The following KLF8 variants were observed in gnomAD, a reference collection of about 807,000 sequenced individuals.
KLF8 encodes the protein KLF transcription factor 8, also known as Krueppel-like factor 8.
In KLF8, 10 loss-of-function variants were observed where a neutral mutation model predicts 18.2. That is an observed-to-expected ratio of 0.55 (90% CI 0.34 to 0.93). KLF8 has a LOEUF of 0.93. Among genes scored for constraint, KLF8 ranks in the 40% least tolerant of loss-of-function variants. The probability of loss-of-function intolerance (pLI) is 0.02; values close to 1 mark genes in which losing one functional copy is unlikely to be tolerated. For synonymous variants in KLF8, 109 were observed against 97.3 expected (o/e 1.12, Z -0.71); for missense variants, 264 against 277.9 (o/e 0.95, Z 0.36).
At chrX:56,025,256 A>G in the KLF8 span, among the ~76,000 whole-genome samples, 1 of 112,386 alleles carries the variant, frequency 8.9e-6, no homozygotes, top group East Asian at 2.8e-4. Flanking sequence ...GGCTCTAGAG[A>G]GCGTTTTCGA....
the KLF8 span, among the ~76,000 whole-genome samples, chrX:56,195,606 T>C: frequency 8.9e-6 from 1 of 112,250 alleles, no homozygotes; most frequent in African/African-American, 3.2e-5. Flanking sequence ...CTGTGTTTGA[T>C]TGGTGTACCT....
chrX:56,288,208 C>T lies in KLF8; in HGVS notation c.*3714C>T, dbSNP rs1050689255. Among the ~76,000 whole-genome samples the T allele has an allele frequency of 1.7e-4, 19 of 110,130 alleles. No homozygotes were observed. The highest frequency in any genetic ancestry group is 6.0e-4 in the African/African-American group (18 of 30,148). ...GAGCTGAGATCATGCCACTTCACTC[C>T]AGCCTGGGTGACAGAGCGACACACT... On this transcript the variant is annotated 3_prime_UTR_variant, in exon 6 of 6. Transcript: ENST00000468660.
chrX:56,272,228 TG>T (rs1216904408), intron 5 of KLF8, among the ~76,000 whole-genome samples: 87 of 110,765 alleles, frequency 7.9e-4, no homozygotes, highest in African/African-American at 2.5e-3. Flanking sequence ...TTTTTTTTTT[TG>T]AGACAGTTTT....
chrX:56,178,056 G>A, the KLF8 span, among the ~76,000 whole-genome samples: 1 of 112,054 alleles, frequency 8.9e-6, no homozygotes, highest in Non-Finnish European at 1.9e-5. Context: ...TCCCAGATGA[G>A]GTGATGCCTC....
chrX:55,964,086 AC>A, the KLF8 span, among the ~76,000 whole-genome samples: 1 of 111,763 alleles, frequency 8.9e-6, no homozygotes, highest in Non-Finnish European at 1.9e-5. Context: ...AACCAGGGAT[AC>A]AACATACCAT....
At chrX:56,209,508 A>G in the KLF8 span, among the ~76,000 whole-genome samples, 4 of 111,458 alleles carry the variant, frequency 3.6e-5, no homozygotes, top group Non-Finnish European at 7.5e-5. Context: ...GAGTGCCTGT[A>G]ATCCCAGCTC....
chrX:56,124,109 A>G, the KLF8 span, among the ~76,000 whole-genome samples: 4 of 111,791 alleles, frequency 3.6e-5, no homozygotes, highest in Non-Finnish European at 3.8e-5. Flanking sequence ...GATTAATGGT[A>G]ACTCAGAAAT....
chrX:56,291,108 T>G lies in KLF8; in HGVS notation c.*6614T>G, dbSNP rs1602486974. 8.9e-6 allele frequency among the ~76,000 whole-genome samples: 1 copy of G among 111,738 alleles called. No homozygotes were observed. Among genetic ancestry groups the G allele is most frequent in the East Asian group, 2.8e-4 (1 of 3,556 alleles). The stretch of plus-strand genomic sequence containing the variant: ...CAGTGCCAGAAACTGGTTCTCTTTT[T>G]TGTGTTGGGGAAAGGAGCCTGCAGT... On this transcript the variant is annotated 3_prime_UTR_variant, in exon 6 of 6. Coordinates refer to ENST00000468660, the MANE Select transcript of KLF8 (RefSeq NM_007250.5).
chrX:56,188,990 C>T, the KLF8 span, among the ~76,000 whole-genome samples: 5 of 111,680 alleles, frequency 4.5e-5, no homozygotes, highest in Admixed American at 2.9e-4. Flanking sequence ...ACACCAAAAG[C>T]AATGGCAACA....
the KLF8 span, among the ~76,000 whole-genome samples, chrX:55,982,536 T>C: frequency 3.6e-5 from 4 of 112,039 alleles, no homozygotes; most frequent in African/African-American, 1.3e-4. Flanking sequence ...TTACTCTACA[T>C]TGGCTGTCAG....
chrX:56,064,319 T>C, the KLF8 span, among the ~76,000 whole-genome samples: 1 of 109,651 alleles, frequency 9.1e-6, no homozygotes, highest in Non-Finnish European at 1.9e-5. Context: ...TAAAGTCTGT[T>C]ATTTAAGTAC....
At chrX:56,072,429 A>G in the KLF8 span, among the ~76,000 whole-genome samples, 1 of 111,785 alleles carries the variant, frequency 8.9e-6, no homozygotes, top group Non-Finnish European at 1.9e-5. Flanking sequence ...AATAGTCTAT[A>G]TTTGCAGTCT....
At chrX:56,142,293 A>G in the KLF8 span, among the ~76,000 whole-genome samples, 30 of 111,642 alleles carry the variant, frequency 2.7e-4, no homozygotes, top group East Asian at 2.8e-4. Context: ...ACTCAAAATT[A>G]TATGTAGCAA....
At chrX:56,208,365 A>T in the KLF8 span, among the ~76,000 whole-genome samples, 1 of 111,036 alleles carries the variant, frequency 9.0e-6, no homozygotes, top group African/African-American at 3.3e-5. Context: ...TTTGGGTCTT[A>T]TTTCTTTTTT....
At chrX:56,052,079 C>A in the KLF8 span, among the ~76,000 whole-genome samples, 1 of 112,003 alleles carries the variant, frequency 8.9e-6, no homozygotes, top group South Asian at 3.7e-4. Flanking sequence ...GAGGCTTCTG[C>A]ATTATTCACG....
the KLF8 span, among the ~76,000 whole-genome samples, chrX:56,050,315 G>C: frequency 1.8e-5 from 2 of 111,430 alleles, no homozygotes; most frequent in African/African-American, 6.5e-5. Flanking sequence ...GCTAGCTTTT[G>C]AATGTTTTTG....
At chrX:56,082,170 T>C in the KLF8 span, among the ~76,000 whole-genome samples, 1 of 112,187 alleles carries the variant, frequency 8.9e-6, no homozygotes, top group South Asian at 3.7e-4. Flanking sequence ...TTCGTCGTGA[T>C]CTAGTCTTGA....
chrX:56,079,148 T>A, the KLF8 span, among the ~76,000 whole-genome samples: 31 of 111,351 alleles, frequency 2.8e-4, no homozygotes, highest in Non-Finnish European at 4.5e-4. Flanking sequence ...TTCCTTCAGT[T>A]CTGCTCTGAT....
chrX:56,252,613 A>G (rs1375459563), intron 2 of KLF8, among the ~76,000 whole-genome samples: 1 of 112,102 alleles, frequency 8.9e-6, no homozygotes, highest in African/African-American at 3.2e-5. Flanking sequence ...TTCTTTATCC[A>G]TTCATCTGTT....
Sources: gnomAD v4.1 joint callset for allele counts (sites outside exome capture counted in the v4.1 genomes callset) on GRCh38, gnomAD v4.1.1 for gene constraint, MANE v1.5 for transcripts, NCBI Gene and HGNC (gene_info 2026-07-23, HGNC 2026-07-21) for gene names.